Variants in RIOK1 observed in about 807,000 individuals in gnomAD.
RIOK1 encodes RIO kinase 1, also known as serine/threonine-protein kinase RIO1.
RIOK1 carries 66 observed loss-of-function variants against 73.5 expected under a neutral mutation model. The ratio of observed to expected loss-of-function variants is 0.90; its 90% CI spans 0.74 to 1.10. The LOEUF (loss-of-function observed/expected upper bound fraction) is 1.10, where lower values mean the gene tolerates loss of function less well. Ranked by LOEUF, RIOK1 falls within the 50% of genes least tolerant of loss-of-function variation. RIOK1 has a pLI of 0.00. For missense variants in RIOK1, 658 were observed against 699.8 expected, an observed-to-expected ratio of 0.94 and a Z score of 0.67; for synonymous variants, 224 against 226.8, an observed-to-expected ratio of 0.99 and a Z score of 0.11.
At position 7,393,198 on chromosome 6, in the gene RIOK1, T is replaced by G; in HGVS notation, c.171T>G (p.Asp57Glu). 1 of 1,611,360 alleles carries G rather than the reference T, an allele frequency of 6.2e-7. No individual in the cohort carries two copies. The highest frequency in any genetic ancestry group is 8.5e-7 in the Non-Finnish European group (1 of 1,177,642). The change falls in exon 2 of 17, where the codon GAT becomes GAG. Residue 57 changes from aspartate (D) to glutamate (E), a missense_variant. Asp to Glu is a conservative substitution (Grantham distance 45, BLOSUM62 2). Coordinates refer to ENST00000379834, the MANE Select transcript of RIOK1 (RefSeq NM_031480.3). ...AGAATGGTGAAGGTGAAATAGAAGA[T>G]GAGGAGGAGGAGGGTTATGACGATG... Reference protein sequence around the residue: ...VNENGEGEIEDEEEEGYDDDD... With the variant: ...VNENGEGEIEEEEEEGYDDDD...
rs547473770 is a variant in RIOK1 at position 7,402,687 on chromosome 6, C to T, written c.658C>T (p.Arg220Trp). The T allele has an allele frequency of 6.2e-6, 10 of 1,611,034 alleles. No individual in the cohort carries two copies. Among genetic ancestry groups the T allele is most frequent in the African/African-American group, 1.3e-5 (1 of 74,730 alleles). ...YKTSILVFKD[R>W]DKYVSGEFRF... ...AACTTCTATTTTGGTGTTCAAAGATCGGGATAAATATGTAAGTGGAGAATT... is the reference window on the plus strand; with the variant it reads ...AACTTCTATTTTGGTGTTCAAAGATTGGGATAAATATGTAAGTGGAGAATT... The change falls in exon 7 of 17, where the codon CGG becomes TGG. Residue 220 changes from arginine to tryptophan, a missense_variant. Transcript: ENST00000379834.
Position 7,405,351 on chromosome 6 carries a change from CA to C in RIOK1, c.1202del (p.Lys401ArgfsTer5). 6.3e-7 allele frequency: 1 copy of C among 1,577,862 alleles called. No individual in the cohort carries two copies. The highest frequency in any genetic ancestry group is 8.7e-7 in the Non-Finnish European group (1 of 1,147,582). Reference sequence around the variant, plus strand: ...CATGAGAACATGGATGCTTATCTCTCAAAGGTAAGATGGGGAGAGGAAGGAG... The same window carrying C: ...CATGAGAACATGGATGCTTATCTCTCAAGGTAAGATGGGGAGAGGAAGGAG... ...ITHENMDAYL[S>X]KAMEIASQRT... On this transcript the variant is annotated frameshift_variant, in exon 12 of 17. Coordinates refer to ENST00000379834, the MANE Select transcript of RIOK1 (RefSeq NM_031480.3). LOFTEE classifies it high-confidence loss of function.
chr6:7,397,655 C>T (rs1249748366), intron 4 of RIOK1, among the ~76,000 whole-genome samples: 1 of 152,180 alleles, frequency 6.6e-6, no homozygotes, highest in Admixed American at 6.5e-5. Context: ...AGCTTTCTTC[C>T]AATTTATTGC....
At chr6:7,394,834 A>C (rs1238365975) in intron 2 of RIOK1, among the ~76,000 whole-genome samples, 2 of 152,258 alleles carry the variant, frequency 1.3e-5, no homozygotes, top group African/African-American at 4.8e-5. Flanking sequence ...AAGTTAAAAA[A>C]ACGGATTATG....
chr6:7,413,056 T>G (rs985384157), intron 15 of RIOK1, 114 bp downstream of exon 15: 8 of 526,084 alleles, frequency 1.5e-5, no homozygotes, highest in Non-Finnish European at 2.6e-5. Flanking sequence ...AATGTTATTT[T>G]ATATTGTTAA....
intron 3 of RIOK1, 59 bp from the exon 4 acceptor site, chr6:7,396,644 C>A: frequency 1.0e-6 from 1 of 998,176 alleles, no homozygotes. Context: ...TGTTCAGCAA[C>A]TCTGTTAATG....
intron 4 of RIOK1, among the ~76,000 whole-genome samples, chr6:7,397,508 A>G (rs759740810): frequency 1.2e-4 from 19 of 152,226 alleles, no homozygotes; most frequent in Admixed American, 8.5e-4. Context: ...TTCTGTTTAC[A>G]CTTCTGTTCT....
intron 5 of RIOK1, 144 bp downstream of exon 5, chr6:7,398,884 G>A (rs1021596788): frequency 4.7e-6 from 3 of 635,178 alleles, no homozygotes; most frequent in Admixed American, 3.3e-5. Context: ...TTATAGTTTC[G>A]AGTTTAGAGA....
chr6:7,401,689 C>CTTTTT (rs35177259), intron 6 of RIOK1, among the ~76,000 whole-genome samples: 3 of 109,264 alleles, frequency 2.7e-5, no homozygotes, highest in Non-Finnish European at 3.7e-5. Context: ...TAAACAGAGT[C>CTTTTT]TTTTTTTTTT....
chr6:7,402,031 TA>T (rs1222497822), intron 6 of RIOK1, among the ~76,000 whole-genome samples: 1 of 152,194 alleles, frequency 6.6e-6, no homozygotes, highest in African/African-American at 2.4e-5. Context: ...ACTTGAGATA[TA>T]AAAAAGTTTG....
At chr6:7,390,340 AG>A (rs1316681704) in intron 1 of RIOK1, among the ~76,000 whole-genome samples, 1 of 152,204 alleles carries the variant, frequency 6.6e-6, no homozygotes, top group African/African-American at 2.4e-5. Flanking sequence ...GATAGCGATT[AG>A]GAAACATGGG....
intron 14 of RIOK1, among the ~76,000 whole-genome samples, chr6:7,412,230 G>A (rs932568115): frequency 6.6e-6 from 1 of 150,514 alleles, no homozygotes; most frequent in Non-Finnish European, 1.5e-5. Context: ...GCATGGTGGC[G>A]TGCTCCTGTA....
At chr6:7,411,202 G>C in intron 13 of RIOK1, 130 bp from the exon 14 acceptor site, 1 of 938,472 alleles carries the variant, frequency 1.1e-6, no homozygotes, top group Admixed American at 2.3e-5. Context: ...TGTGCAGACA[G>C]CTTAGCCAAG....
At chr6:7,413,567 A>T (rs2113530580) in intron 15 of RIOK1, among the ~76,000 whole-genome samples, 1 of 152,348 alleles carries the variant, frequency 6.6e-6, no homozygotes, top group East Asian at 1.9e-4. Context: ...AAAGAATTGA[A>T]TTAGGGGAAT....
At chr6:7,411,526 T>G in intron 14 of RIOK1, 75 bp downstream of exon 14, 3 of 1,503,374 alleles carry the variant, frequency 2.0e-6, no homozygotes, top group Non-Finnish European at 1.8e-6. Context: ...TATCTGGGCC[T>G]TTTAAGTTCC....
intron 1 of RIOK1, among the ~76,000 whole-genome samples, chr6:7,391,161 C>T (rs921056935): frequency 6.6e-6 from 1 of 152,022 alleles, no homozygotes; most frequent in Non-Finnish European, 1.5e-5. Context: ...TCATCACATG[C>T]GGATTTTGTT....
rs1762043991 is a variant in RIOK1 at position 7,417,730 on chromosome 6, GT to G, written c.*294del. The stretch of plus-strand genomic sequence containing the variant: ...TTATATTTTTTTCTCTTACAAATAT[GT>G]TTTTGGAAGCATGATAAATGTTTAA... On this transcript the variant is annotated 3_prime_UTR_variant, in exon 17 of 17. Coordinates refer to ENST00000379834, the MANE Select transcript of RIOK1 (RefSeq NM_031480.3). The G allele has an allele frequency of 5.4e-6, 1 of 184,154 alleles. No homozygotes were observed. Among genetic ancestry groups the G allele is most frequent in the Non-Finnish European group, 1.2e-5 (1 of 85,808 alleles). The allele number at this position is 184,154 out of a possible 1,614,324, so 11.4% of individuals were successfully genotyped here.
chr6:7,417,204 T>C, intron 16 of RIOK1, 127 bp from the exon 17 acceptor site: 1 of 540,408 alleles, frequency 1.9e-6, no homozygotes, highest in Non-Finnish European at 3.3e-6. Flanking sequence ...TGAACCATGG[T>C]CACGCCACTG....
intron 5 of RIOK1, among the ~76,000 whole-genome samples, chr6:7,400,658 T>A (rs1467218515): frequency 6.6e-6 from 1 of 152,254 alleles, no homozygotes; most frequent in Non-Finnish European, 1.5e-5. Flanking sequence ...TTATGTAGTT[T>A]GCATTATACT....
Sources: allele counts gnomAD v4.1 joint callset (sites outside exome capture counted in the v4.1 genomes callset), GRCh38; gene constraint gnomAD v4.1.1; transcripts MANE v1.5; gene names NCBI Gene and HGNC (gene_info 2026-07-23, HGNC 2026-07-21).